KIF26B: variants seen among roughly 807,000 people sequenced by gnomAD.
The protein encoded by KIF26B is kinesin family member 26B.
KIF26B carries 63 observed loss-of-function variants against 151.2 expected under a neutral mutation model. That is an observed-to-expected ratio of 0.42 (90% CI 0.34 to 0.51). KIF26B has a LOEUF of 0.51. Ranked by LOEUF, KIF26B falls within the 20% of genes least tolerant of loss-of-function variation. The pLI is 0.07. For missense variants in KIF26B, 2,813 were observed against 2,913.6 expected (o/e 0.97, Z 0.79); for synonymous variants, 1,357 against 1,262.1 (o/e 1.08, Z -1.59).
At chr1:245,494,827 C>T (rs1432837637) in intron 4 of KIF26B, among the ~76,000 whole-genome samples, 1 of 151,928 alleles carries the variant, frequency 6.6e-6, no homozygotes, top group Non-Finnish European at 1.5e-5. Flanking sequence ...ATGACTTGAT[C>T]CCAGGAGTCC....
chr1:245,193,779 C>T (rs1051715312), intron 2 of KIF26B, among the ~76,000 whole-genome samples: 10 of 152,172 alleles, frequency 6.6e-5, no homozygotes, highest in South Asian at 2.1e-4. Flanking sequence ...CCCTCCACTG[C>T]GCCAGATTTA....
chr1:245,586,779 G>C (rs550900635), intron 5 of KIF26B, among the ~76,000 whole-genome samples: 3 of 151,664 alleles, frequency 2.0e-5, no homozygotes, highest in African/African-American at 4.8e-5. Context: ...CCAGCTACTC[G>C]GGAGGCTGAG....
intron 7 of KIF26B, among the ~76,000 whole-genome samples, chr1:245,608,051 G>T (rs1323481371): frequency 6.6e-6 from 1 of 152,198 alleles, no homozygotes; most frequent in Non-Finnish European, 1.5e-5. Flanking sequence ...TTCCTGAGCA[G>T]CCGCTGTTTG....
At chr1:245,690,958 G>A (rs979986333) in intron 12 of KIF26B, among the ~76,000 whole-genome samples, 10 of 152,166 alleles carry the variant, frequency 6.6e-5, no homozygotes, top group South Asian at 6.2e-4. Context: ...AGCATCTGCC[G>A]GCCTTCCCAG....
At chr1:245,163,701 C>A (rs900217627) in intron 2 of KIF26B, among the ~76,000 whole-genome samples, 8 of 152,270 alleles carry the variant, frequency 5.3e-5, no homozygotes, top group South Asian at 4.1e-4. Context: ...AGAGTTTCTT[C>A]ATATAGGCTT....
At chr1:245,245,649 A>G (rs1158438945) in intron 2 of KIF26B, among the ~76,000 whole-genome samples, 3 of 152,028 alleles carry the variant, frequency 2.0e-5, no homozygotes, top group Admixed American at 2.0e-4. Flanking sequence ...AACAAAAAAA[A>G]TTGCTGGGTG....
At chr1:245,203,865 T>C (rs1249395306) in intron 2 of KIF26B, among the ~76,000 whole-genome samples, 3 of 152,206 alleles carry the variant, frequency 2.0e-5, no homozygotes, top group Non-Finnish European at 4.4e-5. Flanking sequence ...CGTATTCCAG[T>C]TGCTAGAGCA....
chr1:245,293,595 G>A (rs1378387325), intron 2 of KIF26B, among the ~76,000 whole-genome samples: 2 of 108,884 alleles, frequency 1.8e-5, no homozygotes, highest in Admixed American at 9.8e-5. Flanking sequence ...TTTTTTTTTT[G>A]GAGATGGAGT....
rs1312795376 is a variant in KIF26B at position 245,560,088 on chromosome 1, T to C, written c.1350+19138T>C. Among the ~76,000 whole-genome samples, 1 of 152,188 alleles carries C rather than the reference T, an allele frequency of 6.6e-6. No individual in the cohort carries two copies. Among genetic ancestry groups the C allele is most frequent in the Non-Finnish European group, 1.5e-5 (1 of 68,036 alleles). ...CCCAGCTCCCGTGTCACCTGCCACCTGCAGGCCTTCCTCTTGTCCCTTCTC... is the reference window on the plus strand; with the variant it reads ...CCCAGCTCCCGTGTCACCTGCCACCCGCAGGCCTTCCTCTTGTCCCTTCTC... On this transcript the variant is annotated intron_variant, in intron 5 of 14. Transcript: ENST00000407071. The surrounding 1 kb of genome is among the most constrained non-coding windows in gnomAD (Gnocchi z 4.3).
Position 245,640,122 on chromosome 1 carries a change from G to GCTCTCT in KIF26B, c.2099-5982_2099-5977dup, listed in dbSNP as rs376565844. Among the ~76,000 whole-genome samples, 30 of 53,980 alleles carry GCTCTCT rather than the reference G, an allele frequency of 5.6e-4. 6 individuals carry two copies. The highest frequency in any genetic ancestry group is 1.9e-3 in the African/African-American group (25 of 13,314). 35.4% of individuals were successfully genotyped at this position (53,980 alleles called of 152,430 possible). A position where few individuals can be genotyped will look rare whatever the true frequency, so the allele number is the denominator to read the frequency against. On this transcript the variant is annotated intron_variant, in intron 9 of 14. Transcript: ENST00000407071. ...CTCCTGTTTAGATCTACTAATATTT[G>GCTCTCT]CTCTCTCTCTCTCTCTCTCTCTATA...
intron 4 of KIF26B, among the ~76,000 whole-genome samples, chr1:245,469,808 A>C (rs545307720): frequency 1.3e-5 from 2 of 152,372 alleles, no homozygotes; most frequent in South Asian, 4.1e-4. Context: ...AACCCAGCTC[A>C]CTTAAACCAT....
chr1:245,296,010 T>A (rs1671330060), intron 2 of KIF26B, among the ~76,000 whole-genome samples: 1 of 152,208 alleles, frequency 6.6e-6, no homozygotes, highest in African/African-American at 2.4e-5. Flanking sequence ...ACCTCCTGCA[T>A]CTAGCGTAAT....
chr1:245,299,282 A>C (rs1671386935), intron 2 of KIF26B, among the ~76,000 whole-genome samples: 1 of 150,470 alleles, frequency 6.6e-6, no homozygotes, highest in Non-Finnish European at 1.5e-5. Context: ...GTGTGATCAA[A>C]TGAAAGGCTG....
At chr1:245,164,299 C>A (rs1233775072) in intron 2 of KIF26B, among the ~76,000 whole-genome samples, 2 of 152,186 alleles carry the variant, frequency 1.3e-5, no homozygotes, top group African/African-American at 4.8e-5. Context: ...TAATAAACCC[C>A]ACTTGGCCAC....
intron 12 of KIF26B, among the ~76,000 whole-genome samples, chr1:245,690,743 G>GC (rs1007339048): frequency 6.6e-5 from 10 of 151,588 alleles, no homozygotes; most frequent in Non-Finnish European, 1.2e-4. Context: ...ATTTGCCTGG[G>GC]GGGGGGGTAT....
intron 9 of KIF26B, among the ~76,000 whole-genome samples, chr1:245,623,640 C>T (rs1228401662): frequency 1.3e-5 from 2 of 152,186 alleles, no homozygotes; most frequent in Non-Finnish European, 1.5e-5. Context: ...GAAAATTCTA[C>T]ATCTGACCGC....
chr1:245,233,595 T>C (rs2103556262), intron 2 of KIF26B, among the ~76,000 whole-genome samples: 1 of 152,284 alleles, frequency 6.6e-6, no homozygotes, highest in Admixed American at 6.5e-5. Context: ...AGTGTCCAGC[T>C]AGAACAAGAT....
intron 2 of KIF26B, among the ~76,000 whole-genome samples, chr1:245,266,311 T>C (rs558168514): frequency 2.0e-4 from 31 of 152,270 alleles, no homozygotes; most frequent in African/African-American, 7.2e-4. Flanking sequence ...ACAAGGGATA[T>C]TGGTCAGTGG....
intron 1 of KIF26B, 62 bp downstream of exon 1, chr1:245,155,549 T>A: frequency 7.1e-7 from 1 of 1,416,646 alleles, no homozygotes; most frequent in Non-Finnish European, 9.8e-7. Context: ...GAGGTCCCCC[T>A]TTCCCCGGGA....
Sources: gnomAD v4.1 joint callset for allele counts (sites outside exome capture counted in the v4.1 genomes callset) on GRCh38, gnomAD v4.1.1 for gene constraint, Gnocchi (gnomAD v3.1) non-coding constraint, MANE v1.5 for transcripts, NCBI Gene and HGNC (gene_info 2026-07-23, HGNC 2026-07-21) for gene names.